The following SNX29 variants were observed in gnomAD, a reference collection of about 807,000 sequenced individuals.
SNX29 encodes sorting nexin-29.
SNX29 carries 78 observed loss-of-function variants against 102.1 expected under a neutral mutation model. That is an observed-to-expected ratio of 0.76 (90% confidence interval 0.64 to 0.92). SNX29 has a LOEUF of 0.92. Ranked by LOEUF, SNX29 falls within the 40% of genes least tolerant of loss-of-function variation. SNX29 has a pLI of 0.00. For synonymous variants in SNX29, 580 were observed against 414.5 expected (o/e 1.40, Z -4.85); for missense variants, 1,280 against 1,061.7 (o/e 1.21, Z -2.86).
chr16:12,212,930 A>G (rs1051151386), intron 14 of SNX29, among the ~76,000 whole-genome samples: 15 of 152,152 alleles, frequency 9.9e-5, no homozygotes, highest in African/African-American at 3.6e-4. Flanking sequence ...CCTGGCCAAT[A>G]TAGTGAAACC....
At chr16:12,283,895 A>G (rs765299486) in intron 15 of SNX29, among the ~76,000 whole-genome samples, 110 of 152,124 alleles carry the variant, frequency 7.2e-4, no homozygotes, top group Admixed American at 1.3e-3. Flanking sequence ...ATTCCTCCCC[A>G]CTTCTTAGGG....
At chr16:12,468,376 T>A (rs781721581) in intron 18 of SNX29, among the ~76,000 whole-genome samples, 1 of 151,952 alleles carries the variant, frequency 6.6e-6, no homozygotes, top group Non-Finnish European at 1.5e-5. Context: ...GGTTTCACCA[T>A]GTTGTCCAGG....
At chr16:12,553,707 C>T (rs559568539) in intron 20 of SNX29, among the ~76,000 whole-genome samples, 4 of 151,620 alleles carry the variant, frequency 2.6e-5, no homozygotes, top group African/African-American at 7.3e-5. Context: ...TCTGCCTCAG[C>T]CTACCACGCA....
At chr16:12,198,993 A>G (rs1021969733) in intron 13 of SNX29, among the ~76,000 whole-genome samples, 2 of 152,080 alleles carry the variant, frequency 1.3e-5, no homozygotes, top group African/African-American at 4.8e-5. Flanking sequence ...GTCCTGTCAT[A>G]CCCTGGGTTC....
chr16:12,105,099 T>C (rs2053175961), intron 11 of SNX29, among the ~76,000 whole-genome samples: 1 of 152,206 alleles, frequency 6.6e-6, no homozygotes, highest in Non-Finnish European at 1.5e-5. Context: ...CTTCAGAGCA[T>C]GAGGCAACAC....
intron 13 of SNX29, among the ~76,000 whole-genome samples, chr16:12,145,582 C>A (rs1288826106): frequency 6.6e-6 from 1 of 152,148 alleles, no homozygotes; most frequent in Non-Finnish European, 1.5e-5. Flanking sequence ...AGGAAAATCA[C>A]CTGAACACAA....
At chr16:12,345,125 A>T (rs1000987040) in intron 15 of SNX29, among the ~76,000 whole-genome samples, 1 of 152,166 alleles carries the variant, frequency 6.6e-6, no homozygotes, top group Non-Finnish European at 1.5e-5. Flanking sequence ...TTTGGCAGTG[A>T]TCTCCAGTAA....
intron 13 of SNX29, among the ~76,000 whole-genome samples, chr16:12,149,716 A>T (rs1567252018): frequency 6.6e-6 from 1 of 152,216 alleles, no homozygotes; most frequent in African/African-American, 2.4e-5. Flanking sequence ...ATTGGTGAGG[A>T]TTGAATTACA....
At chr16:12,289,692 G>T (rs1159709508) in intron 15 of SNX29, among the ~76,000 whole-genome samples, 1 of 152,114 alleles carries the variant, frequency 6.6e-6, no homozygotes, top group Admixed American at 6.5e-5. Context: ...CTTTTTGGGC[G>T]ATAGATAAAA....
At chr16:12,454,731 A>G (rs916758703) in intron 18 of SNX29, among the ~76,000 whole-genome samples, 9 of 151,594 alleles carry the variant, frequency 5.9e-5, no homozygotes, top group African/African-American at 2.2e-4. Flanking sequence ...TTTTATTTTT[A>G]TTTTTTGAGA....
chr16:12,412,525 G>A (rs2084444622), intron 18 of SNX29, among the ~76,000 whole-genome samples: 1 of 152,248 alleles, frequency 6.6e-6, no homozygotes, highest in African/African-American at 2.4e-5. Flanking sequence ...GCGCTGCAAA[G>A]ACGAGAGTGT....
chr16:12,203,250 G>A (rs1057023306), intron 14 of SNX29, among the ~76,000 whole-genome samples: 1 of 151,844 alleles, frequency 6.6e-6, no homozygotes, highest in Non-Finnish European at 1.5e-5. Context: ...TGGTATTGGA[G>A]GTGACATTTC....
At chr16:12,002,096 A>G (rs2056309146) in intron 2 of SNX29, among the ~76,000 whole-genome samples, 1 of 151,970 alleles carries the variant, frequency 6.6e-6, no homozygotes, top group Non-Finnish European at 1.5e-5. Flanking sequence ...TTTACACCTA[A>G]AGATGGTTAA....
rs114789093 is a variant in SNX29 at position 12,319,063 on chromosome 16, T to C, written c.1783-37100T>C. 2.7e-3 allele frequency among the ~76,000 whole-genome samples: 416 copies of C among 152,236 alleles called. 2 individuals carry two copies. The highest frequency in any genetic ancestry group is 9.4e-3 in the African/African-American group (390 of 41,542). The stretch of plus-strand genomic sequence containing the variant: ...GTTTCTTCACATCCCCAGTAAAACT[T>C]GTTTAATCCTTCGTTATCTTGTCAT... On this transcript the variant is annotated intron_variant, in intron 15 of 20. Coordinates refer to ENST00000566228, the MANE Select transcript of SNX29 (RefSeq NM_032167.5).
intron 15 of SNX29, among the ~76,000 whole-genome samples, chr16:12,324,844 C>A (rs1054729865): frequency 2.0e-5 from 3 of 152,110 alleles, no homozygotes; most frequent in Non-Finnish European, 2.9e-5. Context: ...TACCCAAACA[C>A]CCACTTCTGA....
chr16:12,087,223 A>G (rs4781176), intron 11 of SNX29: 46,639 of 153,862 alleles, frequency 0.3, 7,098 homozygotes, highest in South Asian at 0.38. Context: ...AGTGAAACCC[A>G]TCTCTACTAA....
At chr16:12,301,291 C>G (rs750274840) in intron 15 of SNX29, among the ~76,000 whole-genome samples, 1 of 152,228 alleles carries the variant, frequency 6.6e-6, no homozygotes, top group East Asian at 1.9e-4. Flanking sequence ...GATTCCAAAT[C>G]CGCCCACGCT....
chr16:12,454,375 A>T (rs1037177863), intron 18 of SNX29, among the ~76,000 whole-genome samples: 2 of 152,214 alleles, frequency 1.3e-5, no homozygotes, highest in African/African-American at 4.8e-5. Context: ...GCCCCAAGTG[A>T]TTAGACCCCA....
chr16:12,563,593 T>G (rs2078853813), intron 20 of SNX29, among the ~76,000 whole-genome samples: 1 of 134,864 alleles, frequency 7.4e-6, no homozygotes, highest in African/African-American at 2.6e-5. Context: ...TAGGCCTCCA[T>G]GTCTGTATCA....
Sources: allele counts gnomAD v4.1 joint callset (sites outside exome capture counted in the v4.1 genomes callset), GRCh38; gene constraint gnomAD v4.1.1; transcripts MANE v1.5; gene names NCBI Gene and HGNC (gene_info 2026-07-23, HGNC 2026-07-21).